The following SPAG16 variants were observed in gnomAD, a reference collection of about 807,000 sequenced individuals.
SPAG16 encodes sperm associated antigen 16, also known as sperm-associated antigen 16 protein.
In SPAG16, 86 loss-of-function variants were observed where a neutral mutation model predicts 80.4. The ratio of observed to expected loss-of-function variants is 1.07; its 90% CI spans 0.90 to 1.28. SPAG16 has a LOEUF of 1.28. Among genes scored for constraint, SPAG16 ranks in the 50% most tolerant of loss-of-function variants. The pLI is 0.00. For missense variants in SPAG16, 870 were observed against 765.3 expected (o/e 1.14, Z -1.61); for synonymous variants, 294 against 265.9 (o/e 1.11, Z -1.03).
chr2:214,130,763 T>G (rs79922079), intron 14 of SPAG16, among the ~76,000 whole-genome samples: 297 of 152,274 alleles, frequency 2.0e-3, no homozygotes, highest in Admixed American at 4.2e-3. Flanking sequence ...ATAATGACAC[T>G]GAAAATGAAG....
chr2:213,574,980 G>T (rs563887063), intron 10 of SPAG16, among the ~76,000 whole-genome samples: 1 of 151,926 alleles, frequency 6.6e-6, no homozygotes, highest in Non-Finnish European at 1.5e-5. Flanking sequence ...ACCATTATCC[G>T]TTATTTTCCC....
chr2:213,930,213 TC>T, intron 12 of SPAG16, 68 bp downstream of exon 12: 1 of 1,263,944 alleles, frequency 7.9e-7, no homozygotes, highest in South Asian at 1.9e-5. Context: ...GTGGTAAAGT[TC>T]TTTTTTTTTT....
intron 15 of SPAG16, among the ~76,000 whole-genome samples, chr2:214,198,868 T>G (rs1300496455): frequency 6.6e-6 from 1 of 152,134 alleles, no homozygotes; most frequent in Admixed American, 6.6e-5. Flanking sequence ...TATTGAGCAT[T>G]TTTTCATATG....
intron 11 of SPAG16, among the ~76,000 whole-genome samples, chr2:213,884,666 A>C (rs2076485778): frequency 1.3e-5 from 2 of 152,184 alleles, no homozygotes; most frequent in African/African-American, 2.4e-5. Flanking sequence ...ATATAAACCC[A>C]TATTTCTCAG....
Position 213,487,705 on chromosome 2 carries a change from C to A in SPAG16, c.943-2258C>A, listed in dbSNP as rs557345580. The stretch of plus-strand genomic sequence containing the variant: ...GTTGATTAGGTCGTATTAAATACCT[C>A]TTTCTATGATTATTGGTTTAACAAT... On this transcript the variant is annotated intron_variant, in intron 9 of 15. Transcript: ENST00000331683. 9.9e-5 allele frequency among the ~76,000 whole-genome samples: 15 copies of A among 152,190 alleles called. No individual in the cohort carries two copies. In the South Asian group the frequency reaches 3.1e-3, roughly 31 times the overall value.
chr2:213,773,603 A>G (rs961783415), intron 10 of SPAG16, among the ~76,000 whole-genome samples: 6 of 151,726 alleles, frequency 4.0e-5, no homozygotes, highest in Non-Finnish European at 7.4e-5. Context: ...CCCAGGATGG[A>G]GTGTGCAGTG....
intron 11 of SPAG16, among the ~76,000 whole-genome samples, chr2:213,876,668 C>T (rs964961141): frequency 6.6e-6 from 1 of 152,112 alleles, no homozygotes; most frequent in African/African-American, 2.4e-5. Context: ...TACTTTTCCC[C>T]TCCATCCTTC....
intron 10 of SPAG16, among the ~76,000 whole-genome samples, chr2:213,512,570 G>T (rs545153304): frequency 6.6e-6 from 1 of 151,692 alleles, no homozygotes; most frequent in Non-Finnish European, 1.5e-5. Flanking sequence ...CTAAAAATTC[G>T]GCTAGGAGAC....
chr2:213,447,622 G>C (rs1244190088), intron 9 of SPAG16, among the ~76,000 whole-genome samples: 1 of 152,182 alleles, frequency 6.6e-6, no homozygotes, highest in Non-Finnish European at 1.5e-5. Flanking sequence ...CGTTCCCACC[G>C]CCACTCCTCT....
intron 4 of SPAG16, among the ~76,000 whole-genome samples, chr2:213,313,688 T>C (rs2063294492): frequency 6.6e-6 from 1 of 151,852 alleles, no homozygotes; most frequent in Admixed American, 6.6e-5. Flanking sequence ...CTTCAGAAAA[T>C]ATTAATTTAG....
intron 15 of SPAG16, among the ~76,000 whole-genome samples, chr2:214,205,589 G>A (rs1217682461): frequency 6.6e-6 from 1 of 151,974 alleles, no homozygotes; most frequent in African/African-American, 2.4e-5. Context: ...AAATTTTGAA[G>A]CACATCTCAC....
chr2:213,824,595 G>A (rs2073154992), intron 10 of SPAG16, among the ~76,000 whole-genome samples: 2 of 151,976 alleles, frequency 1.3e-5, no homozygotes, highest in Non-Finnish European at 1.5e-5. Flanking sequence ...TGTTCCATTG[G>A]CCTATATATC....
chr2:213,947,758 A>G (rs2106311802), intron 12 of SPAG16, among the ~76,000 whole-genome samples: 1 of 152,258 alleles, frequency 6.6e-6, no homozygotes, highest in African/African-American at 2.4e-5. Context: ...TCCATAGTCT[A>G]TGTGGATCTG....
At chr2:214,325,598 C>T (rs1231218112) in intron 15 of SPAG16, among the ~76,000 whole-genome samples, 1 of 152,034 alleles carries the variant, frequency 6.6e-6, no homozygotes, top group Non-Finnish European at 1.5e-5. Flanking sequence ...TACAAATTAT[C>T]TTGGGTCAAA....
chr2:213,851,356 A>G (rs1007463666), intron 10 of SPAG16, among the ~76,000 whole-genome samples: 22 of 152,126 alleles, frequency 1.4e-4, no homozygotes, highest in African/African-American at 5.1e-4. Flanking sequence ...CTAAAATACA[A>G]AAATGAGGCG....
At chr2:213,925,345 T>C (rs1453689679) in intron 11 of SPAG16, among the ~76,000 whole-genome samples, 1 of 144,016 alleles carries the variant, frequency 6.9e-6, no homozygotes, top group Non-Finnish European at 1.5e-5. Flanking sequence ...TGTTCTTGTT[T>C]CTTTTCTTCC....
At chr2:214,115,719 T>G (rs1427754544) in intron 14 of SPAG16, among the ~76,000 whole-genome samples, 2 of 151,524 alleles carry the variant, frequency 1.3e-5, no homozygotes, top group Non-Finnish European at 2.9e-5. Context: ...TCTACTAAAA[T>G]ACAAAAAAAT....
At chr2:214,180,289 T>G (rs570753194) in intron 15 of SPAG16, among the ~76,000 whole-genome samples, 1 of 151,574 alleles carries the variant, frequency 6.6e-6, no homozygotes, top group African/African-American at 2.4e-5. Flanking sequence ...TCATGGTATT[T>G]AGGGAATTTG....
At chr2:214,005,088 G>A (rs1039344325) in intron 12 of SPAG16, among the ~76,000 whole-genome samples, 1 of 152,120 alleles carries the variant, frequency 6.6e-6, no homozygotes, top group Non-Finnish European at 1.5e-5. Flanking sequence ...TTATCAGCCT[G>A]CCTCAGGTTG....
Sources: allele counts gnomAD v4.1 joint callset (sites outside exome capture counted in the v4.1 genomes callset), GRCh38; gene constraint gnomAD v4.1.1; transcripts MANE v1.5; gene names NCBI Gene and HGNC (gene_info 2026-07-23, HGNC 2026-07-21).